Variants in ALK observed in about 807,000 individuals in gnomAD.
The protein encoded by ALK is ALK receptor tyrosine kinase, also known as ALK tyrosine kinase receptor.
In ALK, 74 loss-of-function variants were observed where a neutral mutation model predicts 163.1. The ratio of observed to expected loss-of-function variants is 0.45; its 90% CI spans 0.38 to 0.55. The LOEUF (loss-of-function observed/expected upper bound fraction) is 0.55, where lower values mean the gene tolerates loss of function less well. Among genes scored for constraint, ALK ranks in the 20% least tolerant of loss-of-function variants. ALK has a pLI of 0.00. For missense variants in ALK, 2,063 were observed against 2,105.3 expected (o/e 0.98, Z 0.39); for synonymous variants, 960 against 843.2 (o/e 1.14, Z -2.40).
chr2:29,411,996 C>T (rs971222585), intron 4 of ALK, among the ~76,000 whole-genome samples: 11 of 152,170 alleles, frequency 7.2e-5, no homozygotes, highest in Non-Finnish European at 1.3e-4. Context: ...TGTAATCCTT[C>T]CAGAATTGCA....
At chr2:29,406,594 T>G (rs1314639003) in intron 4 of ALK, among the ~76,000 whole-genome samples, 1 of 152,094 alleles carries the variant, frequency 6.6e-6, no homozygotes, top group Non-Finnish European at 1.5e-5. Context: ...AATTCATGGA[T>G]TTTCTGTATT....
chr2:29,360,157 C>A (rs1668354160), intron 5 of ALK, among the ~76,000 whole-genome samples: 2 of 152,192 alleles, frequency 1.3e-5, no homozygotes, highest in African/African-American at 2.4e-5. Context: ...TTCTCTGGGA[C>A]CACAGAACCC....
intron 3 of ALK, among the ~76,000 whole-genome samples, chr2:29,642,948 T>C (rs1270349804): frequency 6.6e-6 from 1 of 152,202 alleles, no homozygotes; most frequent in Non-Finnish European, 1.5e-5. Flanking sequence ...TATCATACTA[T>C]GTGAGATTAA....
intron 4 of ALK, among the ~76,000 whole-genome samples, chr2:29,456,154 G>A (rs893508310): frequency 1.3e-5 from 2 of 152,164 alleles, no homozygotes; most frequent in Non-Finnish European, 2.9e-5. Context: ...GTGGAAAACA[G>A]TTTGGTGGTT....
rs527917795 is a variant in ALK, at chr2:29,662,965, G to A, written c.952+31885C>T. On this transcript the variant is annotated intron_variant, in intron 3 of 28. Transcript: ENST00000389048. ...AGAAGAATGTCCAGTAGATAGTAGG[G>A]ACTCAAGAGCTGTTTGATGATTGAC... 4.8e-4 allele frequency among the ~76,000 whole-genome samples: 73 copies of A among 152,236 alleles called. No homozygotes were observed. In the South Asian group the frequency reaches 0.013, roughly 27 times the overall value.
chr2:29,668,356 G>A (rs1291810602), intron 3 of ALK, among the ~76,000 whole-genome samples: 1 of 151,702 alleles, frequency 6.6e-6, no homozygotes, highest in African/African-American at 2.4e-5. Flanking sequence ...TAGTCTACTT[G>A]AGGTCTTTTT....
chr2:29,398,144 G>T (rs1183647325), intron 4 of ALK, among the ~76,000 whole-genome samples: 3 of 152,180 alleles, frequency 2.0e-5, no homozygotes, highest in African/African-American at 7.2e-5. Flanking sequence ...AAAGATGGGG[G>T]CTAGGGCTAG....
At chr2:29,422,929 T>TC (rs71310128) in intron 4 of ALK, among the ~76,000 whole-genome samples, 1 of 148,994 alleles carries the variant, frequency 6.7e-6, no homozygotes, top group Non-Finnish European at 1.5e-5. Context: ...TTTTTTTTTT[T>TC]CCCAGCATCA....
intron 2 of ALK, among the ~76,000 whole-genome samples, chr2:29,712,050 TTTAAAGAG>T (rs1421916438): frequency 6.6e-6 from 1 of 152,168 alleles, no homozygotes; most frequent in African/African-American, 2.4e-5. Context: ...GTGTCTTTGT[TTTAAAGAG>T]ATATGACCAA....
Position 29,921,469 on chromosome 2 carries a change from TG to T in ALK, c.-811del, listed in dbSNP as rs1246292093. The stretch of plus-strand genomic sequence containing the variant: ...CATCATCAGCGCCCGCGGCTTTGGG[TG>T]GCCGACCAGAGGGCGGCCGGAAAGC... On this transcript the variant is annotated 5_prime_UTR_variant, in exon 1 of 29. The change creates a premature stop within an existing upstream ORF in the 5' untranslated region. Coordinates refer to ENST00000389048, the MANE Select transcript of ALK (RefSeq NM_004304.5). The T allele has an allele frequency of 8.6e-6, 2 of 231,980 alleles. No individual in the cohort carries two copies. Among genetic ancestry groups the T allele is most frequent in the Non-Finnish European group, 1.7e-5 (2 of 117,254 alleles). 14.4% of individuals were successfully genotyped at this position (231,980 alleles called of 1,614,324 possible).
chr2:29,839,141 T>G lies in ALK; in HGVS notation c.667+80852A>C, dbSNP rs116226196. Among the ~76,000 whole-genome samples the G allele has an allele frequency of 4.7e-3, 720 of 152,244 alleles. 11 individuals carry two copies. The highest frequency in any genetic ancestry group is 0.016 in the African/African-American group (681 of 41,544). On this transcript the variant is annotated intron_variant, in intron 1 of 28. Transcript: ENST00000389048. ...CAAAGGGCTCTTAAATTGGTCCCAT[T>G]GAAAACCATTTCCACCTTAGTGCAA...
chr2:29,760,293 G>A (rs1193862517), intron 1 of ALK, among the ~76,000 whole-genome samples: 1 of 152,086 alleles, frequency 6.6e-6, no homozygotes, highest in African/African-American at 2.4e-5. Flanking sequence ...GGGACTTCTG[G>A]TGCCAACACT....
chr2:29,869,936 A>G (rs982147579), intron 1 of ALK, among the ~76,000 whole-genome samples: 2 of 152,204 alleles, frequency 1.3e-5, no homozygotes, highest in African/African-American at 4.8e-5. Context: ...CAAATGGTAA[A>G]TATCCAACCT....
At chr2:29,229,162 G>A (rs1573134996) in intron 15 of ALK, 96 bp from the exon 16 acceptor site, 9 of 1,099,672 alleles carry the variant, frequency 8.2e-6, no homozygotes, top group East Asian at 2.5e-5. Context: ...CTTGGAGGGC[G>A]CCCGCACCAG....
chr2:29,650,495 G>A (rs1190982098), intron 3 of ALK, among the ~76,000 whole-genome samples: 4 of 152,118 alleles, frequency 2.6e-5, no homozygotes, highest in Admixed American at 6.5e-5. Context: ...GTCTTAAGAC[G>A]TCCCGGGGCT....
At position 29,193,562 on chromosome 2, in the gene ALK, A is replaced by C; in HGVS notation, c.4525T>G (p.Ser1509Ala). 6.2e-7 allele frequency: 1 copy of C among 1,614,168 alleles called. No homozygotes were observed. Among genetic ancestry groups the C allele is most frequent in the Non-Finnish European group, 8.5e-7 (1 of 1,180,030 alleles). ...TTGGTGGGTTTCTCTGTAAACCAGG[A>C]GCCGTACGTTGGGTTCCACAAGCTG... ...PTSLWNPTYG[S>A]WFTEKPTKKN... Residue 1509 changes from serine (S) to alanine (A), a missense_variant, in exon 29 of 29, where the codon TCC becomes GCC. Transcript: ENST00000389048.
At chr2:29,790,351 A>G (rs1203875804) in intron 1 of ALK, among the ~76,000 whole-genome samples, 2 of 152,156 alleles carry the variant, frequency 1.3e-5, no homozygotes, top group Non-Finnish European at 1.5e-5. Flanking sequence ...TGCAATCACA[A>G]GTGACATAGA....
chr2:29,356,101 TG>T (rs2148283199), intron 5 of ALK, among the ~76,000 whole-genome samples: 1 of 152,284 alleles, frequency 6.6e-6, no homozygotes, highest in Non-Finnish European at 1.5e-5. Context: ...GGAGCCTGCA[TG>T]GGAGCATGGG....
intron 3 of ALK, among the ~76,000 whole-genome samples, chr2:29,673,362 T>G (rs1214467325): frequency 7.7e-6 from 1 of 129,696 alleles, no homozygotes; most frequent in Non-Finnish European, 1.6e-5. Flanking sequence ...GTATAAGGTG[T>G]AAGGAAGGGA....
Sources: allele counts gnomAD v4.1 joint callset (sites outside exome capture counted in the v4.1 genomes callset), GRCh38; gene constraint gnomAD v4.1.1; transcripts MANE v1.5; gene names NCBI Gene and HGNC (gene_info 2026-07-23, HGNC 2026-07-21).